Variants in NAV3 observed in about 807,000 individuals in gnomAD.
NAV3 encodes the protein pore membrane and/or filament interacting like protein 1.
A neutral mutation model predicts 244.7 loss-of-function variants in NAV3; 87 were observed. The observed-to-expected ratio is 0.36, with a 90% CI of 0.30 to 0.42. The LOEUF is 0.42. NAV3 is among the 20% of genes least tolerant of loss of function. The pLI is 1.00. For missense variants in NAV3, 2,663 were observed against 2,893.3 expected, an observed-to-expected ratio of 0.92 and a Z score of 1.83; for synonymous variants, 1,126 against 1,042.2, an observed-to-expected ratio of 1.08 and a Z score of -1.55.
rs377203253 is a variant in NAV3, at chr12:78,055,835, G to A, written c.2517-3161G>A. Among the ~76,000 whole-genome samples, 7 of 152,306 alleles carry A rather than the reference G, an allele frequency of 4.6e-5. No individual in the cohort carries two copies. The South Asian group carries it at 8.3e-4, about 18-fold the overall frequency. On this transcript the variant is annotated intron_variant, in intron 11 of 39. Transcript: ENST00000397909. Reference sequence around the variant, plus strand: ...TATGGTTCAGCTGTGTGCCCAGGAGGAGAGGGAAATTGGTTTGATGACATC... The same window carrying A: ...TATGGTTCAGCTGTGTGCCCAGGAGAAGAGGGAAATTGGTTTGATGACATC...
intron 1 of NAV3, among the ~76,000 whole-genome samples, chr12:77,918,216 T>C (rs944539918): frequency 6.6e-6 from 1 of 152,128 alleles, no homozygotes; most frequent in African/African-American, 2.4e-5. Context: ...TCTTCCTAAA[T>C]AAAATACATT....
At chr12:77,942,811 G>A (rs1227211360) in intron 3 of NAV3, among the ~76,000 whole-genome samples, 1 of 152,170 alleles carries the variant, frequency 6.6e-6, no homozygotes, top group Admixed American at 6.5e-5. Context: ...TACAAACTTT[G>A]TAAAGGACAC....
At chr12:78,018,912 G>A (rs1593292587) in intron 8 of NAV3, among the ~76,000 whole-genome samples, 1 of 152,236 alleles carries the variant, frequency 6.6e-6, no homozygotes, top group Admixed American at 6.5e-5. Context: ...ATGAAGCCAG[G>A]TGGAAGAACA....
At chr12:77,674,464 C>T (rs1007128265) in intron 2 of NAV3, among the ~76,000 whole-genome samples, 4 of 152,072 alleles carry the variant, frequency 2.6e-5, no homozygotes, top group African/African-American at 9.7e-5. Context: ...CTCACTGTAG[C>T]CTCAACCTCC....
chr12:77,687,109 T>G (rs1437684470), intron 2 of NAV3, among the ~76,000 whole-genome samples: 5 of 152,188 alleles, frequency 3.3e-5, no homozygotes, highest in Non-Finnish European at 2.9e-5. Context: ...TTGATTTTTC[T>G]TACTAACATT....
chr12:78,057,570 A>G (rs1248823325), intron 11 of NAV3, among the ~76,000 whole-genome samples: 3 of 152,218 alleles, frequency 2.0e-5, no homozygotes, highest in Non-Finnish European at 4.4e-5. Context: ...ACTCTAATGC[A>G]TAAAATAGCT....
intron 2 of NAV3, among the ~76,000 whole-genome samples, chr12:77,589,712 G>A (rs921323109): frequency 3.3e-5 from 5 of 152,188 alleles, no homozygotes; most frequent in African/African-American, 1.2e-4. Context: ...CCACATGTGG[G>A]GATTATGGGA....
chr12:77,924,194 T>G lies in NAV3; in HGVS notation c.244-16125T>G, dbSNP rs576511668. On this transcript the variant is annotated intron_variant, in intron 1 of 39. Coordinates refer to ENST00000397909, the MANE Select transcript of NAV3 (RefSeq NM_001024383.2). ...GAACTCAGACTAATGAAAACACACATTTTCATTATGTGGCCTCATTGTTTT... is the reference window on the plus strand; with the variant it reads ...GAACTCAGACTAATGAAAACACACAGTTTCATTATGTGGCCTCATTGTTTT... 2.0e-5 allele frequency among the ~76,000 whole-genome samples: 3 copies of G among 152,240 alleles called. No individual in the cohort carries two copies. In the East Asian group the frequency reaches 5.8e-4, roughly 29 times the overall value.
intron 22 of NAV3, among the ~76,000 whole-genome samples, chr12:78,153,794 AT>A (rs1357419371): frequency 6.6e-6 from 1 of 151,952 alleles, no homozygotes; most frequent in East Asian, 1.9e-4. Flanking sequence ...TTCTTTGCTT[AT>A]TTAATATTTT....
chr12:77,840,064 A>C (rs1011852296), intron 1 of NAV3, among the ~76,000 whole-genome samples: 9 of 152,150 alleles, frequency 5.9e-5, no homozygotes, highest in Non-Finnish European at 1.2e-4. Context: ...TAGAGTAAGA[A>C]TCTGTCTAAA....
rs1490951879 is a variant in NAV3, at chr12:77,658,072, A to G, written c.72+85806A>G. Reference sequence around the variant, plus strand: ...CAAGACAGGGATGCCCTCTCTCACCACTCCTATTCAACATAGTGTTGGAAG... The same window carrying G: ...CAAGACAGGGATGCCCTCTCTCACCGCTCCTATTCAACATAGTGTTGGAAG... On this transcript the variant is annotated intron_variant, in intron 2 of 8. Coordinates refer to the NAV3 transcript ENST00000550042. 7.0e-3 allele frequency among the ~76,000 whole-genome samples: 1,059 copies of G among 150,758 alleles called. 13 individuals are homozygous for G. Among genetic ancestry groups the G allele is most frequent in the African/African-American group, 0.024 (975 of 41,340 alleles).
chr12:77,632,620 G>C (rs1423106505), intron 2 of NAV3, among the ~76,000 whole-genome samples: 2 of 152,176 alleles, frequency 1.3e-5, no homozygotes, highest in Admixed American at 1.3e-4. Flanking sequence ...GATGAGATTT[G>C]AGAGGGGACA....
At chr12:78,014,980 C>T (rs550423341) in intron 8 of NAV3, among the ~76,000 whole-genome samples, 4 of 152,056 alleles carry the variant, frequency 2.6e-5, no homozygotes, top group African/African-American at 4.8e-5. Context: ...CCTCGCACAG[C>T]GGTATTTTTA....
intron 2 of NAV3, among the ~76,000 whole-genome samples, chr12:77,796,245 T>C (rs1871402750): frequency 6.6e-6 from 1 of 151,974 alleles, no homozygotes; most frequent in Admixed American, 6.6e-5. Flanking sequence ...GTTTGAAAAA[T>C]GTTTATTTCA....
chr12:78,177,296 C>G lies in NAV3; in HGVS notation c.5280C>G (p.Pro1760=), dbSNP rs1323649073. Residue 1760 remains proline (P), a synonymous_variant, in exon 27 of 40, where the codon CCC becomes CCG. Transcript: ENST00000397909. Reference sequence around the variant, plus strand: ...ACTGTGGCTCAGCATCCATGAAGCCCTCACAATCTGCTTCAGCGTAAGTTG... The same window carrying G: ...ACTGTGGCTCAGCATCCATGAAGCCGTCACAATCTGCTTCAGCGTAAGTTG... ...AGDCGSASMK[P]SQSASASPLV... 2 of 1,610,758 alleles carry G rather than the reference C, an allele frequency of 1.2e-6. No individual in the cohort carries two copies.
Position 78,122,447 on chromosome 12 carries a change from A to G in NAV3, c.4238+19A>G. 6.4e-7 allele frequency: 1 copy of G among 1,558,338 alleles called. No individual in the cohort carries two copies. The highest frequency in any genetic ancestry group is 8.6e-7 in the Non-Finnish European group (1 of 1,158,064). On this transcript the variant is annotated intron_variant, in intron 16 of 39. Transcript: ENST00000397909. ...CAGAAAGGTGAGCTTTCCTGGAGGC[A>G]TTGATAACATCTTCCCCCTCTTCCC...
chr12:77,933,018 A>G (rs536889905), intron 1 of NAV3, among the ~76,000 whole-genome samples: 1 of 152,298 alleles, frequency 6.6e-6, no homozygotes, highest in South Asian at 2.1e-4. Context: ...TTTCTCAATC[A>G]TCATTCTTCT....
chr12:78,026,790 A>T (rs1163195357), intron 9 of NAV3, among the ~76,000 whole-genome samples: 2 of 152,236 alleles, frequency 1.3e-5, no homozygotes, highest in Non-Finnish European at 2.9e-5. Context: ...GTATATAGAT[A>T]GCATTCAATA....
chr12:77,612,120 A>C (rs893087399), intron 2 of NAV3, among the ~76,000 whole-genome samples: 2 of 152,068 alleles, frequency 1.3e-5, no homozygotes, highest in African/African-American at 4.8e-5. Flanking sequence ...TCATAATCCT[A>C]GAGTAGAAAG....
Sources: allele counts gnomAD v4.1 joint callset (sites outside exome capture counted in the v4.1 genomes callset), GRCh38; gene constraint gnomAD v4.1.1; transcripts MANE v1.5; gene names NCBI Gene and HGNC (gene_info 2026-07-23, HGNC 2026-07-21).